DLGAP2: variants seen among roughly 807,000 people sequenced by gnomAD.
DLGAP2 encodes the protein disks large-associated protein 2.
A neutral mutation model predicts 100.3 loss-of-function variants in DLGAP2; 26 were observed. The observed-to-expected ratio is 0.26, with a 90% CI of 0.19 to 0.36. The LOEUF is 0.36. Ranked by LOEUF, DLGAP2 falls within the 10% of genes least tolerant of loss-of-function variation. The probability of loss-of-function intolerance (pLI) is 1.00; values close to 1 mark genes in which losing one functional copy is unlikely to be tolerated. For synonymous variants in DLGAP2, 886 were observed against 630.1 expected (o/e 1.41, Z -6.08); for missense variants, 1,858 against 1,453.2 (o/e 1.28, Z -4.53).
At chr8:1,359,835 C>G (rs1057447196) in intron 3 of DLGAP2, among the ~76,000 whole-genome samples, 1 of 152,210 alleles carries the variant, frequency 6.6e-6, no homozygotes, top group African/African-American at 2.4e-5. Flanking sequence ...TTCTGTCACT[C>G]TATAAGCCTT....
chr8:1,221,289 C>G (rs973816000), intron 2 of DLGAP2, among the ~76,000 whole-genome samples: 29 of 152,164 alleles, frequency 1.9e-4, no homozygotes, highest in African/African-American at 7.0e-4. Context: ...GAAGGCAGGT[C>G]TGGTGCTAAT....
intron 1 of DLGAP2, among the ~76,000 whole-genome samples, chr8:742,725 C>T (rs1820517758): frequency 6.6e-6 from 1 of 151,884 alleles, no homozygotes; most frequent in African/African-American, 2.4e-5. Flanking sequence ...CCAGGCTGGC[C>T]TTAGATTCCT....
chr8:789,646 A>T (rs1821972441), intron 1 of DLGAP2, among the ~76,000 whole-genome samples: 1 of 152,216 alleles, frequency 6.6e-6, no homozygotes, highest in African/African-American at 2.4e-5. Context: ...TATATTCTAG[A>T]TAGCCCCCAA....
chr8:1,244,109 G>A (rs981604866), intron 2 of DLGAP2, among the ~76,000 whole-genome samples: 2 of 152,204 alleles, frequency 1.3e-5, no homozygotes, highest in Non-Finnish European at 2.9e-5. Flanking sequence ...CCACCGTAGG[G>A]ATGGTGAGTG....
chr8:1,647,488 C>CAAAAAAAAA lies in DLGAP2; in HGVS notation c.1810+14472_1810+14480dup, dbSNP rs567451595. ...TGGGAGACAGAGAGAGACTCTGTCT[C>CAAAAAAAAA]AAAAAAAAAAAAAAAAAAAAAAAAA... On this transcript the variant is annotated intron_variant, in intron 8 of 14. Transcript: ENST00000637795. Among the ~76,000 whole-genome samples, 24 of 44,978 alleles carry CAAAAAAAAA rather than the reference C, an allele frequency of 5.3e-4. 7 individuals are homozygous for CAAAAAAAAA. Among genetic ancestry groups the CAAAAAAAAA allele is most frequent in the East Asian group, 1.2e-3 (1 of 830 alleles). 29.5% of individuals were successfully genotyped at this position (44,978 alleles called of 152,430 possible). A position where few individuals can be genotyped will look rare whatever the true frequency, so the allele number is the denominator to read the frequency against.
At chr8:967,955 G>A (rs1365780114) in intron 2 of DLGAP2, among the ~76,000 whole-genome samples, 2 of 145,194 alleles carry the variant, frequency 1.4e-5, no homozygotes, top group Non-Finnish European at 3.0e-5. Context: ...TTTTCTTTAC[G>A]TCAGTATCTT....
chr8:961,817 G>A (rs943554186), intron 2 of DLGAP2, among the ~76,000 whole-genome samples: 9 of 152,180 alleles, frequency 5.9e-5, no homozygotes, highest in Non-Finnish European at 8.8e-5. Flanking sequence ...GTAGAAATAA[G>A]GGCAGGTTCT....
At chr8:1,172,722 C>T (rs563446193) in intron 2 of DLGAP2, among the ~76,000 whole-genome samples, 11 of 152,298 alleles carry the variant, frequency 7.2e-5, no homozygotes, top group East Asian at 5.8e-4. Context: ...CGAGCCTTGG[C>T]TTTCAGCTCC....
At chr8:1,533,463 G>A (rs968216108) in intron 4 of DLGAP2, among the ~76,000 whole-genome samples, 2 of 151,716 alleles carry the variant, frequency 1.3e-5, no homozygotes, top group East Asian at 1.9e-4. Flanking sequence ...CCGAGATCGC[G>A]CCACTGCATT....
chr8:1,681,819 C>G (rs1339560686), intron 12 of DLGAP2, among the ~76,000 whole-genome samples: 4 of 152,110 alleles, frequency 2.6e-5, no homozygotes, highest in South Asian at 2.1e-4. Flanking sequence ...AGATCTTGCC[C>G]CAAATCACAG....
At chr8:1,298,334 C>T (rs1046096592) in intron 3 of DLGAP2, among the ~76,000 whole-genome samples, 2 of 152,234 alleles carry the variant, frequency 1.3e-5, no homozygotes, top group Admixed American at 6.5e-5. Context: ...TGTCGTCCTG[C>T]AGCCTACAGA....
At chr8:1,474,862 C>T (rs1247456058) in intron 3 of DLGAP2, among the ~76,000 whole-genome samples, 1 of 152,108 alleles carries the variant, frequency 6.6e-6, no homozygotes, top group African/African-American at 2.4e-5. Flanking sequence ...ACCGTTTGAC[C>T]CCATAATGCT....
intron 2 of DLGAP2, among the ~76,000 whole-genome samples, chr8:1,220,872 T>G (rs1175561751): frequency 1.3e-5 from 2 of 152,216 alleles, no homozygotes; most frequent in Non-Finnish European, 2.9e-5. Context: ...TTTGTCCTTT[T>G]TGATCATTGT....
In DLGAP2 at chr8:763,124, G is replaced by A. The variant is rs1375363235; in HGVS notation, c.18+25299G>A. On this transcript the variant is annotated intron_variant, in intron 1 of 14. Coordinates refer to ENST00000637795, the MANE Select transcript of DLGAP2 (RefSeq NM_001346810.2). ...AATCTGGAATCCAGAAATCTGGTGG[G>A]TTTAGGAGTGCAGGGACGAAGCTGA... 3.3e-5 allele frequency among the ~76,000 whole-genome samples: 5 copies of A among 152,092 alleles called. No individual in the cohort carries two copies. The East Asian group carries it at 9.6e-4, about 29-fold the overall frequency.
At chr8:1,358,224 A>T (rs544209444) in intron 3 of DLGAP2, among the ~76,000 whole-genome samples, 3 of 152,308 alleles carry the variant, frequency 2.0e-5, no homozygotes, top group African/African-American at 7.2e-5. Context: ...AGGGGCTGCG[A>T]AAGGTTTGGT....
chr8:1,301,347 G>C (rs779557419), intron 3 of DLGAP2: 1 of 152,228 alleles, frequency 6.6e-6, no homozygotes, highest in Non-Finnish European at 1.5e-5. Context: ...TCGAGCTCCG[G>C]GGCCTAGGAG....
chr8:894,765 A>G (rs1284779296), intron 1 of DLGAP2, among the ~76,000 whole-genome samples: 1 of 68,146 alleles, frequency 1.5e-5, no homozygotes, highest in Non-Finnish European at 2.6e-5. Context: ...GGTGACTGGC[A>G]GGGGTAGTGG....
intron 2 of DLGAP2, among the ~76,000 whole-genome samples, chr8:1,102,599 AT>A (rs80202645): frequency 0.25 from 38,050 of 151,962 alleles, 5,569 homozygotes; most frequent in Non-Finnish European, 0.31. Flanking sequence ...AGTCCATGCA[AT>A]TCTGATAATA....
intron 5 of DLGAP2, among the ~76,000 whole-genome samples, chr8:1,550,689 C>T (rs544852441): frequency 1.3e-5 from 2 of 152,278 alleles, no homozygotes; most frequent in South Asian, 2.1e-4. Context: ...GAAGGTAGAT[C>T]CCTAGAGCTG....
Sources: gnomAD v4.1 joint callset for allele counts (sites outside exome capture counted in the v4.1 genomes callset) on GRCh38, gnomAD v4.1.1 for gene constraint, MANE v1.5 for transcripts, NCBI Gene and HGNC (gene_info 2026-07-23, HGNC 2026-07-21) for gene names.